RPS6KA2: variants seen among roughly 807,000 people sequenced by gnomAD.
RPS6KA2 encodes the protein ribosomal protein S6 kinase alpha-2.
Under a neutral mutation model 91.8 loss-of-function variants are expected in RPS6KA2, and 42 were observed. That is an observed-to-expected ratio of 0.46 (90% CI 0.36 to 0.59). The LOEUF (loss-of-function observed/expected upper bound fraction) is 0.59, where lower values mean the gene tolerates loss of function less well. Ranked by LOEUF, RPS6KA2 falls within the 20% of genes least tolerant of loss-of-function variation. The probability of loss-of-function intolerance (pLI) is 0.00; values close to 1 mark genes in which losing one functional copy is unlikely to be tolerated. For synonymous variants in RPS6KA2, 414 were observed against 393.6 expected (o/e 1.05, Z -0.61); for missense variants, 798 against 978.5 (o/e 0.82, Z 2.46).
At chr6:166,731,420 T>C (rs1345027536) in intron 2 of RPS6KA2, among the ~76,000 whole-genome samples, 6 of 150,400 alleles carry the variant, frequency 4.0e-5, no homozygotes, top group Non-Finnish European at 7.4e-5. Context: ...TGCAACCAAG[T>C]AGCTGATTTA....
intron 2 of RPS6KA2, among the ~76,000 whole-genome samples, chr6:166,634,570 CAT>C (rs532846568): frequency 1.9e-4 from 29 of 152,308 alleles, no homozygotes; most frequent in East Asian, 5.8e-4. Flanking sequence ...AAAACAAAGA[CAT>C]GTGTAAATTA....
At chr6:166,773,021 C>A (rs368586801) in intron 2 of RPS6KA2, among the ~76,000 whole-genome samples, 201 of 152,300 alleles carry the variant, frequency 1.3e-3, no homozygotes, top group African/African-American at 4.6e-3. Flanking sequence ...AACTGGCCCC[C>A]ACACCCATCC....
intron 2 of RPS6KA2, among the ~76,000 whole-genome samples, chr6:166,728,702 C>T (rs143808838): frequency 5.5e-4 from 83 of 152,284 alleles, no homozygotes; most frequent in African/African-American, 1.9e-3. Flanking sequence ...ATCAATACCA[C>T]GTGCTTACTT....
chr6:166,438,402 G>A (rs1779412904), intron 14 of RPS6KA2, among the ~76,000 whole-genome samples: 1 of 152,248 alleles, frequency 6.6e-6, no homozygotes, highest in Non-Finnish European at 1.5e-5. Flanking sequence ...CTCCAGGCCT[G>A]CGTGGTCACG....
At chr6:166,702,755 C>T (rs1233864698) in intron 2 of RPS6KA2, 3 of 1,231,884 alleles carry the variant, frequency 2.4e-6, no homozygotes, top group African/African-American at 3.0e-5. Flanking sequence ...GGTCCCGACA[C>T]GGGGATCTTG....
intron 2 of RPS6KA2, among the ~76,000 whole-genome samples, chr6:166,656,980 A>G (rs537687190): frequency 1.3e-5 from 2 of 152,204 alleles, no homozygotes; most frequent in South Asian, 4.1e-4. Context: ...CAAGCCTAGA[A>G]TCTGAGTCTC....
At chr6:166,841,188 A>C (rs567447124) in intron 2 of RPS6KA2, among the ~76,000 whole-genome samples, 35 of 151,938 alleles carry the variant, frequency 2.3e-4, no homozygotes, top group African/African-American at 7.7e-4. Context: ...AGCAGAGCCC[A>C]GGAAGTTGAG....
At chr6:166,658,785 T>G (rs1303118739) in intron 2 of RPS6KA2, among the ~76,000 whole-genome samples, 3 of 152,122 alleles carry the variant, frequency 2.0e-5, no homozygotes, top group African/African-American at 7.2e-5. Flanking sequence ...ACTATTTAAG[T>G]CCGAGAAACT....
intron 2 of RPS6KA2, among the ~76,000 whole-genome samples, chr6:166,669,766 G>A (rs933321632): frequency 3.9e-5 from 6 of 152,150 alleles, no homozygotes; most frequent in African/African-American, 1.2e-4. Context: ...GTGGGTGAAA[G>A]ACAAGATTCT....
intron 5 of RPS6KA2, among the ~76,000 whole-genome samples, chr6:166,505,676 G>A (rs1296499862): frequency 6.6e-6 from 1 of 152,238 alleles, no homozygotes; most frequent in Non-Finnish European, 1.5e-5. Context: ...GCTTCACACA[G>A]GGGGTTCTTC....
intron 6 of RPS6KA2, 77 bp from the exon 7 acceptor site, chr6:166,501,001 AGCT>A: frequency 1.4e-6 from 2 of 1,388,454 alleles, no homozygotes; most frequent in Admixed American, 3.5e-5. Context: ...CTCAGAGGAG[AGCT>A]GCGGGGCAGC....
intron 2 of RPS6KA2, among the ~76,000 whole-genome samples, chr6:166,697,149 T>A (rs1789383649): frequency 6.6e-6 from 1 of 152,146 alleles, no homozygotes; most frequent in Non-Finnish European, 1.5e-5. Flanking sequence ...CCTATCGGTT[T>A]TGTTTCTCTG....
intron 2 of RPS6KA2, among the ~76,000 whole-genome samples, chr6:166,644,640 T>A (rs879255908): frequency 2.6e-5 from 4 of 152,144 alleles, no homozygotes; most frequent in Non-Finnish European, 4.4e-5. Flanking sequence ...TATTAAAAAG[T>A]AAAGAGAGAA....
chr6:166,813,533 T>C (rs1779691188), intron 2 of RPS6KA2, among the ~76,000 whole-genome samples: 2 of 152,242 alleles, frequency 1.3e-5, no homozygotes, highest in Admixed American at 1.3e-4. Context: ...GTGGATTGTC[T>C]TGCATTCTGG....
At position 166,662,455 on chromosome 6, in the gene RPS6KA2, G is replaced by A. The variant is rs1468564104; in HGVS notation, c.124-123671C>T. On this transcript the variant is annotated intron_variant, in intron 2 of 21. Coordinates refer to the RPS6KA2 transcript ENST00000503859. The surrounding 1 kb of genome is among the most constrained non-coding windows in gnomAD (Gnocchi z 4.3). ...TGCTTTCTTTGGGGACGTAAGAACA[G>A]CTCTGCTTGCAAATCCAATGCCTAT... Among the ~76,000 whole-genome samples, 1 of 152,168 alleles carries A rather than the reference G, an allele frequency of 6.6e-6. No homozygotes were observed. Among genetic ancestry groups the A allele is most frequent in the Non-Finnish European group, 1.5e-5 (1 of 68,032 alleles).
Position 166,457,147 on chromosome 6 carries a change from G to A in RPS6KA2, c.1075+2302C>T, listed in dbSNP as rs139525443. On this transcript the variant is annotated intron_variant, in intron 12 of 20. Coordinates refer to ENST00000265678, the MANE Select transcript of RPS6KA2 (RefSeq NM_021135.6). ...ACATGTTGGCACCTCACGAGGATGT[G>A]TGCACGTTCTGTTAGGGACCTTATG... Among the ~76,000 whole-genome samples, 315 of 152,324 alleles carry A rather than the reference G, an allele frequency of 2.1e-3. 2 individuals carry two copies. The highest frequency in any genetic ancestry group is 7.2e-3 in the African/African-American group (299 of 41,572).
At chr6:166,540,822 A>T (rs1783630048) in intron 1 of RPS6KA2, among the ~76,000 whole-genome samples, 1 of 152,168 alleles carries the variant, frequency 6.6e-6, no homozygotes. Flanking sequence ...TGCCTGTGAG[A>T]ACCACTACCT....
intron 2 of RPS6KA2, among the ~76,000 whole-genome samples, chr6:166,808,345 C>T (rs529554683): frequency 1.6e-4 from 25 of 152,344 alleles, no homozygotes; most frequent in African/African-American, 5.5e-4. Context: ...TACTCCCTCT[C>T]CAAGAAATCT....
Position 166,733,909 on chromosome 6 carries a change from T to G in RPS6KA2, c.123+124291A>C, listed in dbSNP as rs1352778439. ...AAATGGTAAAATGAAAAACTGAGAT[T>G]TCTAAGGAAACTGTAGGGTGTGGAG... is the stretch of plus-strand genomic sequence containing the variant. On this transcript the variant is annotated intron_variant, in intron 2 of 21. Coordinates refer to the RPS6KA2 transcript ENST00000503859. The surrounding 1 kb of genome is among the most constrained non-coding windows in gnomAD (Gnocchi z 4.1). 6.6e-6 allele frequency among the ~76,000 whole-genome samples: 1 copy of G among 152,168 alleles called. No individual in the cohort carries two copies. Among genetic ancestry groups the G allele is most frequent in the African/African-American group, 2.4e-5 (1 of 41,416 alleles).
Sources: gnomAD v4.1 joint callset for allele counts (sites outside exome capture counted in the v4.1 genomes callset) on GRCh38, gnomAD v4.1.1 for gene constraint, Gnocchi (gnomAD v3.1) non-coding constraint, MANE v1.5 for transcripts, NCBI Gene and HGNC (gene_info 2026-07-23, HGNC 2026-07-21) for gene names.